NBEAL2: variants seen among roughly 807,000 people sequenced by gnomAD.
NBEAL2 encodes the protein neurobeachin like 2, also known as neurobeachin-like protein 2.
A neutral mutation model predicts 299.8 loss-of-function variants in NBEAL2; 160 were observed. The ratio of observed to expected loss-of-function variants is 0.53; its 90% CI spans 0.47 to 0.61. NBEAL2 has a LOEUF of 0.61. NBEAL2 is among the 20% of genes least tolerant of loss of function. The probability of loss-of-function intolerance (pLI) is 0.00; values close to 1 mark genes in which losing one functional copy is unlikely to be tolerated. For synonymous variants in NBEAL2, 1,493 were observed against 1,542.3 expected (o/e 0.97, Z 0.75); for missense variants, 3,112 against 3,649.0 (o/e 0.85, Z 3.79).
At position 47,007,555 on chromosome 3, in the gene NBEAL2, G is replaced by A; in HGVS notation, c.7365G>A (p.Val2455=). The part of the protein sequence containing the change: ...KTQRLLSGPW[V]PGSGVSGQAL... ...AGCGACTGCTGAGTGGCCCGTGGGT[G>A]CCAGGCAGTGGTGTGAGTGGACAAG... The change falls in exon 48 of 54, where the codon GTG becomes GTA. Residue 2455 remains valine (V), a synonymous_variant. Transcript: ENST00000450053. 1 of 1,612,480 alleles carries A rather than the reference G, an allele frequency of 6.2e-7. No individual in the cohort carries two copies. Among genetic ancestry groups the A allele is most frequent in the Non-Finnish European group, 8.5e-7 (1 of 1,179,618 alleles).
rs2107468558 is a variant in NBEAL2, at chr3:47,009,541, T to C, written c.*221T>C. 3.5e-6 allele frequency: 2 copies of C among 566,040 alleles called. No homozygotes were observed. Among genetic ancestry groups the C allele is most frequent in the Non-Finnish European group, 6.2e-6 (2 of 321,366 alleles). 35.1% of individuals were successfully genotyped at this position (566,040 alleles called of 1,614,324 possible). A position where few individuals can be genotyped will look rare whatever the true frequency, so the allele number is the denominator to read the frequency against. ...GAGGGGCCGCCCTGAGGGCCAGCAC[T>C]GGCGTCTGCGGCCGCAGCAGCACTT... On this transcript the variant is annotated 3_prime_UTR_variant, in exon 54 of 54. Coordinates refer to ENST00000450053, the MANE Select transcript of NBEAL2 (RefSeq NM_015175.3).
At position 47,008,594 on chromosome 3, in the gene NBEAL2, A is replaced by G. The variant is rs2037642689; in HGVS notation, c.7953A>G (p.Thr2651=). The G allele has an allele frequency of 7.4e-6, 12 of 1,613,682 alleles. No individual in the cohort carries two copies. The highest frequency in any genetic ancestry group is 1.0e-5 in the Non-Finnish European group (12 of 1,179,876). ...RASLPLAEQP[T]ALTVTEDFVL... Reference sequence around the variant, plus strand: ...CACTGCCCCTGGCAGAGCAGCCTACAGCCCTGACGGTGACAGAGGACTTTG... The same window carrying G: ...CACTGCCCCTGGCAGAGCAGCCTACGGCCCTGACGGTGACAGAGGACTTTG... Residue 2651 remains threonine, a synonymous_variant, in exon 52 of 54, where the codon ACA becomes ACG. Transcript: ENST00000450053.
chr3:47,009,465 G>A lies in NBEAL2; in HGVS notation c.*145G>A. ...CTGCCCAGCTCAGGGATTGGCGGGC[G>A]ATGTTACCCCCTCAGGGATTGGCGG... On this transcript the variant is annotated 3_prime_UTR_variant, in exon 54 of 54. Coordinates refer to ENST00000450053, the MANE Select transcript of NBEAL2 (RefSeq NM_015175.3). The A allele has an allele frequency of 1.3e-6, 1 of 780,008 alleles. No homozygotes were observed. Among genetic ancestry groups the A allele is most frequent in the Non-Finnish European group, 2.1e-6 (1 of 482,210 alleles). 48.3% of individuals were successfully genotyped at this position (780,008 alleles called of 1,614,324 possible). A position where few individuals can be genotyped will look rare whatever the true frequency, so the allele number is the denominator to read the frequency against.
intron 10 of NBEAL2, 142 bp from the exon 11 acceptor site, chr3:46,993,795 G>T: frequency 4.2e-6 from 3 of 719,502 alleles, no homozygotes; most frequent in East Asian, 2.7e-5. Flanking sequence ...GGAGTAGAAG[G>T]CCTGGTGCTC....
chr3:46,995,938 G>A lies in NBEAL2; in HGVS notation c.2038G>A (p.Val680Met), dbSNP rs769261538. 2.1e-5 allele frequency: 34 copies of A among 1,613,286 alleles called. No homozygotes were observed. The highest frequency in any genetic ancestry group is 1.3e-4 in the Admixed American group (8 of 59,948). ...TGTGAGGCTTCTGTTCTAGCACTGC[G>A]TGGCTATCGTCCATGTGCCTGGGCG... ...VSFADSAWHC[V>M]AIVHVPGRRP... Residue 680 changes from valine (V) to methionine (M), a missense_variant, in exon 15 of 54, where the codon GTG becomes ATG. Val to Met is a conservative substitution (Grantham distance 21). This residue lies in a region of NBEAL2 where 2,243 missense variants were observed against 2,538.1 expected (regional missense o/e 0.88). Transcript: ENST00000450053.
Position 47,003,752 on chromosome 3 carries a change from C to T in NBEAL2, c.5721-64C>T. The T allele has an allele frequency of 1.3e-6, 2 of 1,509,148 alleles. No individual in the cohort carries two copies. Among genetic ancestry groups the T allele is most frequent in the Non-Finnish European group, 1.8e-6 (2 of 1,124,706 alleles). The allele number at this position is 1,509,148 out of a possible 1,614,324, so 93.5% of individuals were successfully genotyped here. A position where few individuals can be genotyped will look rare whatever the true frequency, so the allele number is the denominator to read the frequency against. Reference sequence around the variant, plus strand: ...CCATGACTCAATGGCACTTGGATGCCCTTTGGGCTTGTGAAGAAGGGGGTC... The same window carrying T: ...CCATGACTCAATGGCACTTGGATGCTCTTTGGGCTTGTGAAGAAGGGGGTC... On this transcript the variant is annotated intron_variant, in intron 35 of 53. Coordinates refer to ENST00000450053, the MANE Select transcript of NBEAL2 (RefSeq NM_015175.3). This position sits in a 1 kb window ranked among gnomAD's most constrained non-coding sequence, Gnocchi z 7.0.
intron 12 of NBEAL2, 125 bp downstream of exon 12, chr3:46,994,678 T>C: frequency 1.2e-6 from 1 of 832,164 alleles, no homozygotes; most frequent in East Asian, 2.7e-5. Flanking sequence ...CTGTTACCTG[T>C]AGCCTGGCCA....
At position 46,989,839 on chromosome 3, in the gene NBEAL2, C is replaced by T. The variant is rs1380936263; in HGVS notation, c.556+246C>T. Among the ~76,000 whole-genome samples the T allele has an allele frequency of 2.6e-5, 4 of 152,122 alleles. No homozygotes were observed. Among genetic ancestry groups the T allele is most frequent in the Non-Finnish European group, 4.4e-5 (3 of 68,010 alleles). ...ACCCAGATTTCTCATCCTCTTTCCC[C>T]GCCATCTCCTGGATCCTTCTAGCCA... On this transcript the variant is annotated intron_variant, in intron 6 of 53. Transcript: ENST00000450053. This position sits in a 1 kb window ranked among gnomAD's most constrained non-coding sequence, Gnocchi z 5.5.
At position 47,002,810 on chromosome 3, in the gene NBEAL2, G is replaced by A. The variant is rs747932446; in HGVS notation, c.5459+8G>A. The A allele has an allele frequency of 8.8e-5, 137 of 1,554,058 alleles. No individual in the cohort carries two copies. Among genetic ancestry groups the A allele is most frequent in the Admixed American group, 3.6e-4 (19 of 53,452 alleles). The stretch of plus-strand genomic sequence containing the variant: ...TGGGGCCTGGGCGCTGAGGTGGGCC[G>A]GGCTTGGGGCAGGGTCGCTGTGGAG... On this transcript the variant is annotated splice_region_variant and intron_variant, in intron 33 of 53. Coordinates refer to ENST00000450053, the MANE Select transcript of NBEAL2 (RefSeq NM_015175.3).
intron 1 of NBEAL2, 106 bp downstream of exon 1, chr3:46,980,018 CCGCGCGCGCG>C: frequency 4.1e-5 from 1 of 24,230 alleles, no homozygotes; most frequent in South Asian, 2.0e-3. Flanking sequence ...GGCCGCGTAG[CCGCGCGCGCG>C]GGCGCGCGCG....
rs777212793 is a variant in NBEAL2 at position 46,982,994 on chromosome 3, G to A, written c.51+3082G>A. Among the ~76,000 whole-genome samples the A allele has an allele frequency of 2.0e-5, 3 of 152,104 alleles. No homozygotes were observed. The highest frequency in any genetic ancestry group is 4.4e-5 in the Non-Finnish European group (3 of 68,024). On this transcript the variant is annotated intron_variant, in intron 1 of 53. Transcript: ENST00000450053. The surrounding 1 kb of genome is among the most constrained non-coding windows in gnomAD (Gnocchi z 4.2). Reference sequence around the variant, plus strand: ...CAGATGAGTGGCCCCTGTTCAGGCCGGAGCAGCAGTGATGTTCAGCAACCC... The same window carrying A: ...CAGATGAGTGGCCCCTGTTCAGGCCAGAGCAGCAGTGATGTTCAGCAACCC...
chr3:47,009,280 C>T lies in NBEAL2; in HGVS notation c.8225C>T (p.Ser2742Phe), dbSNP rs1487545420. Reference sequence around the variant, plus strand: ...TCCTCGCGGCGCATCTCCCAGGTGTCCTCGGGAGAGACGGAATACAACCCT... The same window carrying T: ...TCCTCGCGGCGCATCTCCCAGGTGTTCTCGGGAGAGACGGAATACAACCCT... ...WRSSRRISQVSSGETEYNPTE... is the reference protein window; with the variant it reads ...WRSSRRISQVFSGETEYNPTE... Residue 2742 changes from serine (S) to phenylalanine (F), a missense_variant, in exon 54 of 54, where the codon TCC becomes TTC. Physicochemically the swap from Ser to Phe is radical, Grantham distance 155. This residue lies in a region of NBEAL2 where 348 missense variants were observed against 381.4 expected (regional missense o/e 0.91). Transcript: ENST00000450053. 6.2e-7 allele frequency: 1 copy of T among 1,602,136 alleles called. No individual in the cohort carries two copies. Among genetic ancestry groups the T allele is most frequent in the African/African-American group, 1.3e-5 (1 of 74,828 alleles).
At position 46,997,948 on chromosome 3, in the gene NBEAL2, G is replaced by A. The variant is rs142602587; in HGVS notation, c.2959-119G>A. Reference sequence around the variant, plus strand: ...GCAGGAAGCCCCCAAAGGGTTCTGAGCAGGCTGGTGGCCATGTTTGTGGCC... The same window carrying A: ...GCAGGAAGCCCCCAAAGGGTTCTGAACAGGCTGGTGGCCATGTTTGTGGCC... On this transcript the variant is annotated intron_variant, in intron 20 of 53. Transcript: ENST00000450053. The A allele has an allele frequency of 9.0e-4, 1,197 of 1,335,826 alleles. 17 individuals are homozygous for A. In the East Asian group the frequency reaches 0.029, roughly 33 times the overall value. 82.7% of individuals were successfully genotyped at this position (1,335,826 alleles called of 1,614,324 possible).
intron 32 of NBEAL2, 50 bp downstream of exon 32, chr3:47,002,570 G>A (rs1327431730): frequency 6.2e-7 from 1 of 1,609,576 alleles, no homozygotes; most frequent in Non-Finnish European, 8.5e-7. Flanking sequence ...CATGCACCCA[G>A]GAGATGACTG....
chr3:47,005,361 A>G, intron 40 of NBEAL2, 40 bp downstream of exon 40: 1 of 1,592,060 alleles, frequency 6.3e-7, no homozygotes, highest in Non-Finnish European at 8.5e-7. Flanking sequence ...GGGGGCAGAT[A>G]AGGGGAGGAG....
In NBEAL2 at chr3:47,004,363, G is replaced by A. The variant is rs768074556; in HGVS notation, c.6168G>A (p.Gln2056=). ...GCTACCTAAGCAGCCGCTCCCCCCAGGAGATGCTGCGTGCCTCAGGCCTTA... is the reference window on the plus strand; with the variant it reads ...GCTACCTAAGCAGCCGCTCCCCCCAAGAGATGCTGCGTGCCTCAGGCCTTA... ...SQGYLSSRSP[Q]EMLRASGLTQ... is the part of the protein sequence containing the mutation. Residue 2056 remains glutamine (Q), a synonymous_variant, in exon 37 of 54, where the codon CAG becomes CAA. Coordinates refer to ENST00000450053, the MANE Select transcript of NBEAL2 (RefSeq NM_015175.3). The surrounding 1 kb of genome is among the most constrained non-coding windows in gnomAD (Gnocchi z 5.0). 42 of 1,600,274 alleles carry A rather than the reference G, an allele frequency of 2.6e-5. No individual in the cohort carries two copies. Among genetic ancestry groups the A allele is most frequent in the Non-Finnish European group, 3.4e-5 (40 of 1,171,850 alleles).
In NBEAL2 at chr3:46,997,608, C is replaced by T. The variant is rs767817447; in HGVS notation, c.2872C>T (p.Arg958Trp). The T allele has an allele frequency of 3.1e-6, 5 of 1,600,296 alleles. No individual in the cohort carries two copies. The South Asian group carries it at 3.3e-5, about 11-fold the overall frequency. ...AGTGGCTGCTTTTCTGCTGATGCTG[C>T]GGAACTTCCTTCAGGGTCACATGGT... ...NAVAAFLLML[R>W]NFLQGHMVNQ... Residue 958 changes from arginine (R) to tryptophan (W), a missense_variant, in exon 20 of 54, where the codon CGG (arginine) becomes TGG (tryptophan). By Grantham distance (101) the Arg-to-Trp change is moderately radical. Around this residue, in one of 3 missense-constraint regions of NBEAL2, gnomAD observed 2,243 missense variants for 2,538.1 expected, o/e 0.88. Transcript: ENST00000450053.
Position 47,000,262 on chromosome 3 carries a change from C to T in NBEAL2, c.4163C>T (p.Thr1388Ile), listed in dbSNP as rs752765200. ...CTTACTCCAGCCAGCCAGCCCGGCA[C>T]TCCTTCGCCACTGGATGGGCCGCGG... ...GTLTPASQPG[T>I]PSPLDGPRPF... The change falls in exon 27 of 54, where the codon ACT (threonine) becomes ATT (isoleucine). Residue 1388 changes from threonine (T) to isoleucine (I), a missense_variant. By Grantham distance (89) the Thr-to-Ile change is moderately conservative. This residue lies in a region of NBEAL2 where 2,243 missense variants were observed against 2,538.1 expected (regional missense o/e 0.88). Coordinates refer to ENST00000450053, the MANE Select transcript of NBEAL2 (RefSeq NM_015175.3). This position sits in a 1 kb window ranked among gnomAD's most constrained non-coding sequence, Gnocchi z 4.5. 6.2e-7 allele frequency: 1 copy of T among 1,613,128 alleles called. No individual in the cohort carries two copies. The highest frequency in any genetic ancestry group is 8.5e-7 in the Non-Finnish European group (1 of 1,179,878).
rs149942071 is a variant in NBEAL2 at position 47,001,196 on chromosome 3, G to T, written c.4484+17G>T. On this transcript the variant is annotated intron_variant, in intron 28 of 53. Transcript: ENST00000450053. The surrounding 1 kb of genome is among the most constrained non-coding windows in gnomAD (Gnocchi z 6.1). Reference sequence around the variant, plus strand: ...CAAGCGCAGGTGAGAGGGAAAGTCTGGAGGGGGAGGGGCTTCAGGAAGCCT... The same window carrying T: ...CAAGCGCAGGTGAGAGGGAAAGTCTTGAGGGGGAGGGGCTTCAGGAAGCCT... 1.5e-4 allele frequency: 238 copies of T among 1,604,680 alleles called. No individual in the cohort carries two copies. The African/African-American group carries it at 2.9e-3, about 19-fold the overall frequency.
Sources: gnomAD v4.1 joint callset for allele counts (sites outside exome capture counted in the v4.1 genomes callset) on GRCh38, gnomAD v4.1.1 for gene constraint, gnomAD v4.1.1 regional missense constraint, Gnocchi (gnomAD v3.1) non-coding constraint, MANE v1.5 for transcripts, NCBI Gene and HGNC (gene_info 2026-07-23, HGNC 2026-07-21) for gene names.